HS3ST3B1: variants seen among roughly 807,000 people sequenced by gnomAD.
The protein encoded by HS3ST3B1 is heparan sulfate glucosamine 3-O-sulfotransferase 3B1.
In HS3ST3B1, 13 loss-of-function variants were observed where a neutral mutation model predicts 21.3. The ratio of observed to expected loss-of-function variants is 0.61; its 90% confidence interval spans 0.40 to 0.97. HS3ST3B1 has a LOEUF of 0.97. Among genes scored for constraint, HS3ST3B1 ranks in the 50% least tolerant of loss-of-function variants. The pLI, the probability that HS3ST3B1 is intolerant of heterozygous loss-of-function variation, is 0.00. For missense variants in HS3ST3B1, 459 were observed against 554.8 expected, an observed-to-expected ratio of 0.83 and a Z score of 1.73; for synonymous variants, 234 against 254.8, an observed-to-expected ratio of 0.92 and a Z score of 0.78.
At position 14,348,695 on chromosome 17, in the gene HS3ST3B1, T is replaced by C. The variant is rs533530233; in HGVS notation, c.*3049T>C. 1 of 152,304 alleles carries C rather than the reference T, an allele frequency of 6.6e-6. No homozygotes were observed. Among genetic ancestry groups the C allele is most frequent in the South Asian group, 2.1e-4 (1 of 4,828 alleles). 9.4% of individuals were successfully genotyped at this position (152,304 alleles called of 1,614,324 possible). A position where few individuals can be genotyped will look rare whatever the true frequency, so the allele number is the denominator to read the frequency against. On this transcript the variant is annotated 3_prime_UTR_variant, in exon 2 of 2. Transcript: ENST00000360954. The stretch of plus-strand genomic sequence containing the variant: ...TTACACGAAAAGCTCTGATATTCAT[T>C]GGAGTACTTTATTTTTTTTCCTCAG...
intron 1 of HS3ST3B1, among the ~76,000 whole-genome samples, chr17:14,318,162 A>G (rs1479582118): frequency 1.3e-5 from 2 of 151,978 alleles, no homozygotes; most frequent in East Asian, 3.9e-4. Flanking sequence ...AGGGAAAGAG[A>G]GCCATTCTTC....
chr17:14,326,036 C>T lies in HS3ST3B1; in HGVS notation c.555-18992C>T, dbSNP rs1281247491. Among the ~76,000 whole-genome samples, 3 of 151,832 alleles carry T rather than the reference C, an allele frequency of 2.0e-5. No homozygotes were observed. In the East Asian group the frequency reaches 5.8e-4, roughly 29 times the overall value. On this transcript the variant is annotated intron_variant, in intron 1 of 1. Transcript: ENST00000360954. ...GTGTGTGTGTACGTGTGTGTGTGTG[C>T]ACGCACGTGTGTGCGTGTGTGTGTG...
At chr17:14,309,459 A>AC (rs1327505084) in intron 1 of HS3ST3B1, among the ~76,000 whole-genome samples, 1 of 151,884 alleles carries the variant, frequency 6.6e-6, no homozygotes, top group African/African-American at 2.4e-5. Context: ...TGCCGGCGGG[A>AC]CCCGTCTTCG....
chr17:14,302,126 A>C, intron 1 of HS3ST3B1, 54 bp downstream of exon 1: 1 of 1,524,074 alleles, frequency 6.6e-7, no homozygotes, highest in East Asian at 2.4e-5. Flanking sequence ...ACCCTGAGCT[A>C]AGGGAGACAT....
At chr17:14,309,212 C>T (rs1909226305) in intron 1 of HS3ST3B1, among the ~76,000 whole-genome samples, 1 of 152,226 alleles carries the variant, frequency 6.6e-6, no homozygotes, top group Non-Finnish European at 1.5e-5. Flanking sequence ...CCTCGGGCAT[C>T]AATCGACGCG....
intron 1 of HS3ST3B1, 58 bp downstream of exon 1, chr17:14,302,130 G>A: frequency 6.6e-7 from 1 of 1,513,554 alleles, no homozygotes; most frequent in Non-Finnish European, 8.8e-7. Context: ...TGAGCTAAGG[G>A]AGACATGGCG....
chr17:14,321,512 G>A (rs974378306), intron 1 of HS3ST3B1, among the ~76,000 whole-genome samples: 2 of 152,152 alleles, frequency 1.3e-5, no homozygotes, highest in Admixed American at 1.3e-4. Context: ...AGGGCAGAGG[G>A]GATAGCCCTG....
In HS3ST3B1 at chr17:14,335,685, C is replaced by T. The variant is rs181839452; in HGVS notation, c.555-9343C>T. On this transcript the variant is annotated intron_variant, in intron 1 of 1. Transcript: ENST00000360954. The stretch of plus-strand genomic sequence containing the variant: ...CTCCAGCCAGGGCAACAGAGCAAGA[C>T]TCTGTCTCAAAAAAAAAAAAGGAAA... 3.4e-3 allele frequency among the ~76,000 whole-genome samples: 510 copies of T among 151,646 alleles called. 6 individuals are homozygous for T. The highest frequency in any genetic ancestry group is 0.011 in the African/African-American group (434 of 41,282).
At chr17:14,314,339 C>T (rs929336021) in intron 1 of HS3ST3B1, among the ~76,000 whole-genome samples, 2 of 152,298 alleles carry the variant, frequency 1.3e-5, no homozygotes, top group African/African-American at 2.4e-5. Flanking sequence ...ATCAGAAGTG[C>T]ACAGCCTGAC....
rs1353150457 is a variant in HS3ST3B1, at chr17:14,345,982, G to C, written c.*336G>C. The C allele has an allele frequency of 4.3e-6, 1 of 232,348 alleles. No individual in the cohort carries two copies. Among genetic ancestry groups the C allele is most frequent in the African/African-American group, 2.3e-5 (1 of 43,232 alleles). 14.4% of individuals were successfully genotyped at this position (232,348 alleles called of 1,614,324 possible). A position where few individuals can be genotyped will look rare whatever the true frequency, so the allele number is the denominator to read the frequency against. Reference sequence around the variant, plus strand: ...CTTCAGTCACCGTCTGAGTTCTCCAGTTGCTGCCTCCTTGTCTTGTCTTGG... The same window carrying C: ...CTTCAGTCACCGTCTGAGTTCTCCACTTGCTGCCTCCTTGTCTTGTCTTGG... On this transcript the variant is annotated 3_prime_UTR_variant, in exon 2 of 2. Transcript: ENST00000360954.
chr17:14,305,631 G>C (rs1909109513), intron 1 of HS3ST3B1: 1 of 152,184 alleles, frequency 6.6e-6, no homozygotes, highest in African/African-American at 2.4e-5. Context: ...ATATGCCTTA[G>C]ACTGTACAGC....
chr17:14,311,686 C>T (rs1909309679), intron 1 of HS3ST3B1, among the ~76,000 whole-genome samples: 3 of 152,182 alleles, frequency 2.0e-5, no homozygotes, highest in African/African-American at 7.2e-5. Context: ...CGTCGGTGCA[C>T]TTGCTCTTAT....
intron 1 of HS3ST3B1, chr17:14,328,342 AC>A (rs1451692075): frequency 6.6e-6 from 1 of 152,232 alleles, no homozygotes; most frequent in African/African-American, 2.4e-5. Context: ...TAAATGGTTG[AC>A]CATGACAATG....
chr17:14,339,770 T>C (rs1910313679), intron 1 of HS3ST3B1, among the ~76,000 whole-genome samples: 1 of 152,204 alleles, frequency 6.6e-6, no homozygotes. Context: ...GTGCTCACTC[T>C]GGAGGCCAGC....
At chr17:14,335,103 G>A (rs1344692091) in intron 1 of HS3ST3B1, among the ~76,000 whole-genome samples, 6 of 152,208 alleles carry the variant, frequency 3.9e-5, no homozygotes, top group African/African-American at 1.4e-4. Context: ...TGGGATTGGT[G>A]TGAGAATAGT....
chr17:14,314,299 T>G (rs1202348451), intron 1 of HS3ST3B1, among the ~76,000 whole-genome samples: 1 of 152,212 alleles, frequency 6.6e-6, no homozygotes, highest in Non-Finnish European at 1.5e-5. Flanking sequence ...ATTTAAATTT[T>G]TATTTACATA....
rs1223360110 is a variant in HS3ST3B1 at position 14,301,888 on chromosome 17, C to A, written c.370C>A (p.Pro124Thr). 6.2e-7 allele frequency: 1 copy of A among 1,608,130 alleles called. No homozygotes were observed. The highest frequency in any genetic ancestry group is 1.7e-5 in the Admixed American group (1 of 59,296). Residue 124 changes from proline (P) to threonine (T), a missense_variant, in exon 1 of 2, where the codon CCC becomes ACC. By Grantham distance (38) the Pro-to-Thr change is conservative. Around this residue, in one of 3 missense-constraint regions of HS3ST3B1, gnomAD observed 317 missense variants for 278.6 expected, o/e 1.14. Transcript: ENST00000360954. ...QSPEVPDSPSPISSFFSGSGS... is the reference protein window; with the variant it reads ...QSPEVPDSPSTISSFFSGSGS... Reference sequence around the variant, plus strand: ...TCCCGAGGTGCCGGACTCCCCAAGCCCCATCTCCAGCTTTTTCAGTGGGTC... The same window carrying A: ...TCCCGAGGTGCCGGACTCCCCAAGCACCATCTCCAGCTTTTTCAGTGGGTC...
chr17:14,326,769 A>G (rs1291905657), intron 1 of HS3ST3B1, among the ~76,000 whole-genome samples: 1 of 151,884 alleles, frequency 6.6e-6, no homozygotes, highest in East Asian at 1.9e-4. Context: ...AAATACAAAA[A>G]AACTAGCTGG....
chr17:14,344,847 C>G (rs1910500607), intron 1 of HS3ST3B1, among the ~76,000 whole-genome samples, 181 bp from the exon 2 acceptor site: 1 of 152,172 alleles, frequency 6.6e-6, no homozygotes, highest in South Asian at 2.1e-4. Context: ...ATGGTACCTG[C>G]CCTCCAAACC....
Sources: allele counts gnomAD v4.1 joint callset (sites outside exome capture counted in the v4.1 genomes callset), GRCh38; gene constraint gnomAD v4.1.1; regional missense constraint gnomAD v4.1.1; transcripts MANE v1.5; gene names NCBI Gene and HGNC (gene_info 2026-07-23, HGNC 2026-07-21).